NPAS3: variants seen among roughly 807,000 people sequenced by gnomAD.
The protein encoded by NPAS3 is neuronal PAS domain-containing protein 3.
In NPAS3, 14 loss-of-function variants were observed where a neutral mutation model predicts 73.1. The observed-to-expected ratio is 0.19, with a 90% CI of 0.13 to 0.30. The LOEUF (loss-of-function observed/expected upper bound fraction) is 0.30. Among genes scored for constraint, NPAS3 ranks in the 10% least tolerant of loss-of-function variants. The pLI is 1.00. For synonymous variants in NPAS3, 620 were observed against 541.5 expected, an observed-to-expected ratio of 1.14 and a Z score of -2.01; for missense variants, 1,096 against 1,250.0, an observed-to-expected ratio of 0.88 and a Z score of 1.86.
intron 1 of NPAS3, among the ~76,000 whole-genome samples, chr14:32,948,498 T>C (rs2036354639): frequency 6.6e-6 from 1 of 152,192 alleles, no homozygotes; most frequent in African/African-American, 2.4e-5. Context: ...GTTTAGCATA[T>C]GAATTTATTC....
intron 6 of NPAS3, among the ~76,000 whole-genome samples, chr14:33,724,156 AT>A (rs1361793105): frequency 1.3e-5 from 2 of 152,204 alleles, no homozygotes; most frequent in Non-Finnish European, 2.9e-5. Flanking sequence ...AGGCAAAAAA[AT>A]GGGATGTATT....
chr14:33,596,641 C>A (rs148360226), intron 5 of NPAS3, among the ~76,000 whole-genome samples: 1 of 152,218 alleles, frequency 6.6e-6, no homozygotes, highest in African/African-American at 2.4e-5. Flanking sequence ...TTCAATTGAC[C>A]TGTCAACATC....
chr14:33,278,961 G>T (rs2041462639), intron 3 of NPAS3, among the ~76,000 whole-genome samples: 1 of 143,776 alleles, frequency 7.0e-6, no homozygotes, highest in Admixed American at 7.0e-5. Context: ...ACAGTTAAAT[G>T]AGGTCAAACC....
chr14:33,198,471 A>G (rs1231513695), intron 2 of NPAS3, among the ~76,000 whole-genome samples: 5 of 152,192 alleles, frequency 3.3e-5, no homozygotes, highest in South Asian at 2.1e-4. Flanking sequence ...AGCTAGACAT[A>G]AAAGTTCTCC....
intron 3 of NPAS3, among the ~76,000 whole-genome samples, chr14:33,350,811 A>G (rs1017229583): frequency 6.6e-5 from 10 of 152,240 alleles, no homozygotes; most frequent in Non-Finnish European, 7.3e-5. Flanking sequence ...TAATCCGTAC[A>G]TACTCATTAG....
chr14:33,043,293 A>G (rs2040403698), intron 1 of NPAS3, among the ~76,000 whole-genome samples: 1 of 151,476 alleles, frequency 6.6e-6, no homozygotes, highest in African/African-American at 2.5e-5. Context: ...GAAATGCTAT[A>G]CTAAACGATA....
chr14:33,248,119 G>A (rs980624938), intron 3 of NPAS3, among the ~76,000 whole-genome samples: 1 of 152,224 alleles, frequency 6.6e-6, no homozygotes, highest in Non-Finnish European at 1.5e-5. Flanking sequence ...CAAATTCACA[G>A]TGATACAACT....
intron 4 of NPAS3, among the ~76,000 whole-genome samples, chr14:33,528,729 A>T (rs2053913537): frequency 6.6e-6 from 1 of 152,138 alleles, no homozygotes; most frequent in Non-Finnish European, 1.5e-5. Flanking sequence ...TAACAAAGTA[A>T]TGAACAACTT....
chr14:33,423,694 C>A (rs963219495), intron 4 of NPAS3, among the ~76,000 whole-genome samples: 2 of 151,862 alleles, frequency 1.3e-5, no homozygotes, highest in African/African-American at 4.8e-5. Context: ...TAAAGTTCTT[C>A]ATGTATATTT....
intron 6 of NPAS3, among the ~76,000 whole-genome samples, chr14:33,682,286 C>A (rs553965725): frequency 6.6e-6 from 1 of 152,184 alleles, no homozygotes; most frequent in African/African-American, 2.4e-5. Flanking sequence ...TCCCCCAAAT[C>A]GGTCTGACTT....
intron 2 of NPAS3, among the ~76,000 whole-genome samples, chr14:33,153,144 A>G (rs1249854575): frequency 6.6e-6 from 1 of 152,008 alleles, no homozygotes; most frequent in Admixed American, 6.6e-5. Flanking sequence ...CTGATGATTA[A>G]TAATAGGAAC....
At chr14:33,548,239 G>T (rs951334866) in intron 4 of NPAS3, among the ~76,000 whole-genome samples, 1 of 152,166 alleles carries the variant, frequency 6.6e-6, no homozygotes, top group Non-Finnish European at 1.5e-5. Flanking sequence ...CTACAATTCT[G>T]CATGCTAATT....
At chr14:33,203,189 T>C (rs1042149101) in intron 2 of NPAS3, among the ~76,000 whole-genome samples, 22 of 152,246 alleles carry the variant, frequency 1.4e-4, no homozygotes, top group African/African-American at 4.1e-4. Flanking sequence ...TGAGAAGGGA[T>C]TGAAGGCAAG....
chr14:33,676,945 G>A (rs2059786943), intron 6 of NPAS3, among the ~76,000 whole-genome samples: 1 of 152,256 alleles, frequency 6.6e-6, no homozygotes, highest in Admixed American at 6.5e-5. Flanking sequence ...TTGTATAGAG[G>A]AATGAACAGA....
chr14:33,557,059 T>G (rs1328952827), intron 4 of NPAS3, among the ~76,000 whole-genome samples: 4 of 152,236 alleles, frequency 2.6e-5, no homozygotes, highest in Admixed American at 2.6e-4. Context: ...CTAATTTTCA[T>G]GAGTCATCCT....
chr14:33,255,707 T>C (rs2048754635), intron 3 of NPAS3, among the ~76,000 whole-genome samples: 1 of 152,180 alleles, frequency 6.6e-6, no homozygotes, highest in African/African-American at 2.4e-5. Context: ...GGTATAGCCT[T>C]AGTCTTGGAA....
At chr14:33,081,058 A>G (rs1355774643) in intron 2 of NPAS3, among the ~76,000 whole-genome samples, 1 of 152,208 alleles carries the variant, frequency 6.6e-6, no homozygotes, top group Non-Finnish European at 1.5e-5. Context: ...TACATCACTA[A>G]TAAGCTGATG....
At chr14:33,254,793 A>C (rs748465171) in intron 3 of NPAS3, among the ~76,000 whole-genome samples, 2 of 152,218 alleles carry the variant, frequency 1.3e-5, no homozygotes, top group Non-Finnish European at 2.9e-5. Context: ...AGGAATTATC[A>C]AATATGAAAT....
chr14:33,749,605 G>A (rs867767879), intron 7 of NPAS3, among the ~76,000 whole-genome samples: 10 of 152,284 alleles, frequency 6.6e-5, no homozygotes, highest in African/African-American at 2.4e-4. Flanking sequence ...AGAGAGTGAT[G>A]CAATTTGCCC....
Sources: allele counts gnomAD v4.1 joint callset (sites outside exome capture counted in the v4.1 genomes callset), GRCh38; gene constraint gnomAD v4.1.1; transcripts MANE v1.5; gene names NCBI Gene and HGNC (gene_info 2026-07-23, HGNC 2026-07-21).